PTPN4: variants seen among roughly 807,000 people sequenced by gnomAD.
PTPN4 encodes tyrosine-protein phosphatase non-receptor type 4.
Under a neutral mutation model 135.5 loss-of-function variants are expected in PTPN4, and 49 were observed. That is an observed-to-expected ratio of 0.36 (90% CI 0.29 to 0.46). PTPN4 has a LOEUF of 0.46. PTPN4 is among the 20% of genes least tolerant of loss of function. PTPN4 has a pLI of 1.00. For missense variants in PTPN4, 860 were observed against 1,101.0 expected, an observed-to-expected ratio of 0.78 and a Z score of 3.10; for synonymous variants, 333 against 369.9, an observed-to-expected ratio of 0.90 and a Z score of 1.14.
chr2:119,893,783 G>A (rs1387196171), intron 9 of PTPN4, among the ~76,000 whole-genome samples: 2 of 152,104 alleles, frequency 1.3e-5, no homozygotes, highest in East Asian at 3.9e-4. Flanking sequence ...TTTGTCAGAT[G>A]ATGCTGTTAG....
chr2:119,895,367 G>A (rs1204637712), intron 9 of PTPN4, among the ~76,000 whole-genome samples: 5 of 152,162 alleles, frequency 3.3e-5, no homozygotes, highest in African/African-American at 1.2e-4. Context: ...TGTGTATAGT[G>A]TAGTAGTCTC....
At position 119,965,648 on chromosome 2, in the gene PTPN4, A is replaced by G; in HGVS notation, c.2558+3A>G. 6.2e-7 allele frequency: 1 copy of G among 1,611,274 alleles called. No individual in the cohort carries two copies. The highest frequency in any genetic ancestry group is 8.5e-7 in the Non-Finnish European group (1 of 1,178,958). ...GAACCCGTTGTTGTCCATTGCAGGTACTCTGTTTTCCGTCTTTTATGAGTG... is the reference window on the plus strand; with the variant it reads ...GAACCCGTTGTTGTCCATTGCAGGTGCTCTGTTTTCCGTCTTTTATGAGTG... On this transcript the variant is annotated splice_donor_region_variant and intron_variant, in intron 25 of 26. Transcript: ENST00000263708.
intron 2 of PTPN4, among the ~76,000 whole-genome samples, chr2:119,846,985 T>C (rs1266021572): frequency 6.6e-6 from 1 of 151,074 alleles, no homozygotes; most frequent in African/African-American, 2.4e-5. Flanking sequence ...TATGTAATTT[T>C]ATGTCTAGTA....
At chr2:119,884,816 G>A (rs1459132134) in intron 8 of PTPN4, among the ~76,000 whole-genome samples, 1 of 151,822 alleles carries the variant, frequency 6.6e-6, no homozygotes, top group African/African-American at 2.4e-5. Flanking sequence ...TTTTTTTGAG[G>A]AGTCGTGTTA....
At chr2:119,789,342 A>G (rs1404527534) in intron 1 of PTPN4, among the ~76,000 whole-genome samples, 1 of 152,130 alleles carries the variant, frequency 6.6e-6, no homozygotes, top group Non-Finnish European at 1.5e-5. Flanking sequence ...CTGATACATG[A>G]TTGGCAAATA....
At position 119,962,712 on chromosome 2, in the gene PTPN4, A is replaced by G. The variant is rs779859226; in HGVS notation, c.2377A>G (p.Ile793Val). ...CTCTGAAGAAGGAAACACTGCCTAT[A>G]TCTTCAGGAAGATGACCCTATTTAA... ...CHSEEGNTAYIFRKMTLFNQE... is the reference protein window; with the variant it reads ...CHSEEGNTAYVFRKMTLFNQE... The change falls in exon 24 of 27, where the codon ATC (isoleucine) becomes GTC (valine). Residue 793 changes from isoleucine (I) to valine (V), a missense_variant. Physicochemically the swap from Ile to Val is conservative, Grantham distance 29. Coordinates refer to ENST00000263708, the MANE Select transcript of PTPN4 (RefSeq NM_002830.4). 3 of 1,588,004 alleles carry G rather than the reference A, an allele frequency of 1.9e-6. No homozygotes were observed. The highest frequency in any genetic ancestry group is 2.6e-6 in the Non-Finnish European group (3 of 1,161,966).
At chr2:119,882,939 C>G (rs1195898718) in intron 8 of PTPN4, among the ~76,000 whole-genome samples, 1 of 152,050 alleles carries the variant, frequency 6.6e-6, no homozygotes, top group Admixed American at 6.5e-5. Context: ...CTTAGTAATT[C>G]TTTCTCAGTT....
intron 1 of PTPN4, among the ~76,000 whole-genome samples, chr2:119,770,083 C>T (rs1690707273): frequency 6.6e-6 from 1 of 152,142 alleles, no homozygotes; most frequent in African/African-American, 2.4e-5. Context: ...GAAATCCAAT[C>T]CAGGGCTAAT....
intron 2 of PTPN4, among the ~76,000 whole-genome samples, chr2:119,814,182 C>T (rs1341463716): frequency 2.0e-5 from 3 of 152,170 alleles, no homozygotes; most frequent in African/African-American, 7.2e-5. Context: ...AGCCTCACTG[C>T]CAGTCTTCTT....
chr2:119,833,621 TCA>T (rs1677250366), intron 2 of PTPN4, among the ~76,000 whole-genome samples: 1 of 152,228 alleles, frequency 6.6e-6, no homozygotes. Context: ...ACTCTGTGAA[TCA>T]CCTTCAGTCG....
chr2:119,880,238 C>T (rs1159165847), intron 5 of PTPN4: 4 of 152,094 alleles, frequency 2.6e-5, no homozygotes, highest in African/African-American at 9.7e-5. Flanking sequence ...CTAGTTTTGC[C>T]TAGGACTTGA....
intron 2 of PTPN4, among the ~76,000 whole-genome samples, chr2:119,816,465 G>A (rs948364567): frequency 2.0e-5 from 3 of 152,126 alleles, no homozygotes; most frequent in Non-Finnish European, 2.9e-5. Flanking sequence ...ACCAGGAACC[G>A]GTTTCATGGA....
At chr2:119,959,328 CA>C (rs925661382) in intron 22 of PTPN4, among the ~76,000 whole-genome samples, 1 of 151,164 alleles carries the variant, frequency 6.6e-6, no homozygotes, top group African/African-American at 2.4e-5. Context: ...GTGCAGTTTA[CA>C]AAAAGAAAAG....
chr2:119,958,568 T>C (rs1360723557), intron 22 of PTPN4, among the ~76,000 whole-genome samples: 1 of 152,180 alleles, frequency 6.6e-6, no homozygotes, highest in Non-Finnish European at 1.5e-5. Flanking sequence ...TATATCACTG[T>C]ATATGTCAGT....
chr2:119,805,562 G>C (rs1691452747), intron 1 of PTPN4, among the ~76,000 whole-genome samples: 1 of 152,086 alleles, frequency 6.6e-6, no homozygotes, highest in Admixed American at 6.6e-5. Flanking sequence ...TCTTGTTTTT[G>C]TCAGGTTTGT....
At chr2:119,914,692 A>G (rs1574402131) in intron 10 of PTPN4, among the ~76,000 whole-genome samples, 1 of 152,156 alleles carries the variant, frequency 6.6e-6, no homozygotes, top group East Asian at 1.9e-4. Context: ...TATGGTTTCA[A>G]TGAGACAAAA....
intron 1 of PTPN4, among the ~76,000 whole-genome samples, chr2:119,807,617 C>T (rs889304009): frequency 6.6e-6 from 1 of 152,138 alleles, no homozygotes; most frequent in Non-Finnish European, 1.5e-5. Flanking sequence ...CAGGACCAGA[C>T]GGATTCATAG....
chr2:119,967,795 G>A, intron 25 of PTPN4, 42 bp from the exon 26 acceptor site: 2 of 1,505,976 alleles, frequency 1.3e-6, no homozygotes, highest in Non-Finnish European at 1.8e-6. Flanking sequence ...TAGTTTAACA[G>A]AATAGTATCG....
intron 2 of PTPN4, among the ~76,000 whole-genome samples, chr2:119,822,905 A>G (rs1449015821): frequency 6.6e-6 from 1 of 152,154 alleles, no homozygotes; most frequent in Non-Finnish European, 1.5e-5. Flanking sequence ...ATGACATTTG[A>G]AGTCACATTC....
Sources: allele counts gnomAD v4.1 joint callset (sites outside exome capture counted in the v4.1 genomes callset), GRCh38; gene constraint gnomAD v4.1.1; transcripts MANE v1.5; gene names NCBI Gene and HGNC (gene_info 2026-07-23, HGNC 2026-07-21).